Variants in TMIGD3 observed in about 807,000 individuals in gnomAD.
TMIGD3 encodes the protein AD026 protein (AD026).
A neutral mutation model predicts 28.1 loss-of-function variants in TMIGD3; 21 were observed. The ratio of observed to expected loss-of-function variants is 0.75; its 90% CI spans 0.53 to 1.08. The LOEUF (loss-of-function observed/expected upper bound fraction) is 1.08. TMIGD3 is among the 50% of genes least tolerant of loss of function. The pLI, the probability that TMIGD3 is intolerant of heterozygous loss-of-function variation, is 0.00. For synonymous variants in TMIGD3, 151 were observed against 162.1 expected, an observed-to-expected ratio of 0.93 and a Z score of 0.52; for missense variants, 416 against 435.6, an observed-to-expected ratio of 0.96 and a Z score of 0.40.
intron 1 of TMIGD3, among the ~76,000 whole-genome samples, chr1:111,530,584 A>G (rs1310918147): frequency 6.6e-6 from 1 of 152,180 alleles, no homozygotes; most frequent in Non-Finnish European, 1.5e-5. Context: ...GTTGAAAGAC[A>G]TTTTTGATGG....
chr1:111,487,966 A>G (rs1339770774), intron 3 of TMIGD3, among the ~76,000 whole-genome samples: 1 of 151,632 alleles, frequency 6.6e-6, no homozygotes, highest in Non-Finnish European at 1.5e-5. Flanking sequence ...CACCACATCC[A>G]GCTAATTTTT....
At chr1:111,548,269 C>T (rs1179634064) in intron 1 of TMIGD3, among the ~76,000 whole-genome samples, 2 of 152,240 alleles carry the variant, frequency 1.3e-5, no homozygotes. Flanking sequence ...GACCCACCCA[C>T]CTCGGCCTCC....
At chr1:111,490,623 A>C in intron 2 of TMIGD3, 33 bp downstream of exon 2, 1 of 1,528,618 alleles carries the variant, frequency 6.5e-7, no homozygotes, top group Admixed American at 1.7e-5. Context: ...GCCACAGCTT[A>C]AAGGGCTGGA....
At chr1:111,562,257 C>T (rs1478655711) in intron 1 of TMIGD3, among the ~76,000 whole-genome samples, 3 of 152,146 alleles carry the variant, frequency 2.0e-5, no homozygotes, top group African/African-American at 7.2e-5. Context: ...TCATTTTGTA[C>T]ATAACCCTTA....
intron 1 of TMIGD3, among the ~76,000 whole-genome samples, chr1:111,491,906 C>T (rs1044995553): frequency 2.0e-5 from 3 of 152,228 alleles, no homozygotes; most frequent in East Asian, 1.9e-4. Flanking sequence ...CCAACCTTCA[C>T]GATGGCTCCT....
intron 1 of TMIGD3, among the ~76,000 whole-genome samples, chr1:111,511,319 A>G (rs1223873066): frequency 6.6e-6 from 1 of 152,230 alleles, no homozygotes; most frequent in Non-Finnish European, 1.5e-5. Context: ...ATCCTAAAAT[A>G]TACCTGCCAC....
chr1:111,526,556 A>G (rs1288548634), intron 1 of TMIGD3, among the ~76,000 whole-genome samples: 1 of 152,170 alleles, frequency 6.6e-6, no homozygotes, highest in African/African-American at 2.4e-5. Flanking sequence ...GTATGTCTTT[A>G]TTAGCAGCAT....
At position 111,485,050 on chromosome 1, in the gene TMIGD3, C is replaced by T. The variant is rs563139414; in HGVS notation, c.973+690G>A. 2.0e-5 allele frequency among the ~76,000 whole-genome samples: 3 copies of T among 152,280 alleles called. No homozygotes were observed. The South Asian group carries it at 6.2e-4, about 32-fold the overall frequency. On this transcript the variant is annotated intron_variant, in intron 5 of 5. Transcript: ENST00000369716. ...CTAAAGGGAAAGGTGGGCACACAGTCCCTTCTCTATTTAGGGATGGGGAGA... is the reference window on the plus strand; with the variant it reads ...CTAAAGGGAAAGGTGGGCACACAGTTCCTTCTCTATTTAGGGATGGGGAGA...
intron 1 of TMIGD3, among the ~76,000 whole-genome samples, chr1:111,552,899 T>C (rs985499190): frequency 6.6e-6 from 1 of 152,228 alleles, no homozygotes; most frequent in Non-Finnish European, 1.5e-5. Flanking sequence ...CACTCAAAAA[T>C]TGTTAGGCAC....
At chr1:111,528,066 C>T (rs111901006) in intron 1 of TMIGD3, among the ~76,000 whole-genome samples, 1,969 of 151,836 alleles carry the variant, frequency 0.013, 36 homozygotes, top group African/African-American at 0.045. Context: ...TATATAAAAA[C>T]GCATCATCAT....
chr1:111,522,372 A>G (rs1470585741), intron 1 of TMIGD3, among the ~76,000 whole-genome samples: 2 of 152,258 alleles, frequency 1.3e-5, no homozygotes, highest in East Asian at 1.9e-4. Flanking sequence ...ATTCAACAAC[A>G]CATAATCTTA....
intron 4 of TMIGD3, 148 bp from the exon 5 acceptor site, chr1:111,485,988 A>C: frequency 1.7e-6 from 1 of 598,588 alleles, no homozygotes; most frequent in Non-Finnish European, 2.9e-6. Context: ...CTTTAGAGTG[A>C]CCCTGTCCTT....
At chr1:111,507,973 C>T (rs1234897351), upstream of TMIGD3, among the ~76,000 whole-genome samples, 2 of 152,244 alleles carry the variant, frequency 1.3e-5, no homozygotes, top group Non-Finnish European at 2.9e-5. Flanking sequence ...CCTCTGTCCA[C>T]ACGGGCCTTC....
rs913032529 is a variant in TMIGD3 at position 111,545,065 on chromosome 1, T to C, written c.107+18781A>G. Among the ~76,000 whole-genome samples, 18 of 147,442 alleles carry C rather than the reference T, an allele frequency of 1.2e-4. No individual in the cohort carries two copies. The South Asian group carries it at 1.3e-3, about 11-fold the overall frequency. On this transcript the variant is annotated intron_variant, in intron 1 of 5. Transcript: ENST00000369717. ...TTTGGTACATACCCAATTTCTTGGG[T>C]ATATCCAATTTGGTACATACCCAAT...
chr1:111,485,712 A>ACCCC, intron 5 of TMIGD3, 28 bp downstream of exon 5: 5 of 583,410 alleles, frequency 8.6e-6, no homozygotes, highest in South Asian at 1.7e-5. Context: ...ATTCTTGCCC[A>ACCCC]CCCCCTCCCT....
chr1:111,538,774 G>C (rs1656726026), intron 1 of TMIGD3, among the ~76,000 whole-genome samples: 1 of 152,192 alleles, frequency 6.6e-6, no homozygotes, highest in Non-Finnish European at 1.5e-5. Context: ...CATTGCTCCA[G>C]GAAAGGACTA....
At chr1:111,515,942 C>G (rs1371721334) in intron 1 of TMIGD3, among the ~76,000 whole-genome samples, 2 of 152,248 alleles carry the variant, frequency 1.3e-5, no homozygotes, top group Non-Finnish European at 2.9e-5. Context: ...CGCGGCGTTC[C>G]TACCATTTAT....
chr1:111,489,176 A>T, intron 2 of TMIGD3, 152 bp from the exon 3 acceptor site: 1 of 721,334 alleles, frequency 1.4e-6, no homozygotes, highest in Non-Finnish European at 2.3e-6. Flanking sequence ...TATGGGCTGA[A>T]CTATGTCCCC....
At chr1:111,555,897 GA>G (rs1657469536) in intron 1 of TMIGD3, among the ~76,000 whole-genome samples, 1 of 152,086 alleles carries the variant, frequency 6.6e-6, no homozygotes, top group African/African-American at 2.4e-5. Context: ...GGCAACAAAA[GA>G]AAAAAATCGA....
Sources: gnomAD v4.1 joint callset for allele counts (sites outside exome capture counted in the v4.1 genomes callset) on GRCh38, gnomAD v4.1.1 for gene constraint, MANE v1.5 for transcripts, NCBI Gene and HGNC (gene_info 2026-07-23, HGNC 2026-07-21) for gene names.